The following PACS1 variants were observed in gnomAD, a reference collection of about 807,000 sequenced individuals.
The protein encoded by PACS1 is PACS-1.
PACS1 carries 24 observed loss-of-function variants against 115.0 expected under a neutral mutation model. The ratio of observed to expected loss-of-function variants is 0.21; its 90% CI spans 0.15 to 0.29. The LOEUF (loss-of-function observed/expected upper bound fraction) is 0.29. PACS1 is among the 10% of genes least tolerant of loss of function. PACS1 has a pLI of 1.00. For missense variants in PACS1, 838 were observed against 1,251.2 expected (o/e 0.67, Z 4.98); for synonymous variants, 453 against 504.5 (o/e 0.90, Z 1.37).
Position 66,073,155 on chromosome 11 carries a change from C to T in PACS1, c.356+2313C>T, listed in dbSNP as rs1360257316. On this transcript the variant is annotated intron_variant, in intron 1 of 23. Coordinates refer to ENST00000320580, the MANE Select transcript of PACS1 (RefSeq NM_018026.4). ...CCATCACCCTTGTACCTCCTCACTCCTTGTGGAACACATGTGCTCTTTGAG... is the reference window on the plus strand; with the variant it reads ...CCATCACCCTTGTACCTCCTCACTCTTTGTGGAACACATGTGCTCTTTGAG... Among the ~76,000 whole-genome samples, 4 of 152,204 alleles carry T rather than the reference C, an allele frequency of 2.6e-5. No individual in the cohort carries two copies. The South Asian group carries it at 8.3e-4, about 31-fold the overall frequency.
intron 1 of PACS1, among the ~76,000 whole-genome samples, chr11:66,136,684 C>G (rs189899728): frequency 6.6e-6 from 1 of 152,054 alleles, no homozygotes; most frequent in Non-Finnish European, 1.5e-5. Context: ...AGCCTTGGCC[C>G]GAGTGCTTCC....
intron 21 of PACS1, among the ~76,000 whole-genome samples, chr11:66,240,214 T>C (rs762716452): frequency 3.3e-5 from 5 of 152,174 alleles, no homozygotes; most frequent in Admixed American, 6.5e-5. Flanking sequence ...GCTGAATCTC[T>C]GAGACCACTG....
intron 1 of PACS1, among the ~76,000 whole-genome samples, chr11:66,191,524 T>A (rs979968891): frequency 2.0e-5 from 3 of 152,200 alleles, no homozygotes; most frequent in African/African-American, 7.2e-5. Context: ...AGGTCACTAC[T>A]CCACTTGAAA....
chr11:66,071,386 G>T (rs921060292), intron 1 of PACS1, among the ~76,000 whole-genome samples: 1 of 152,018 alleles, frequency 6.6e-6, no homozygotes, highest in Non-Finnish European at 1.5e-5. Flanking sequence ...TAGTTTTGGG[G>T]CCCTATTTAA....
intron 1 of PACS1, among the ~76,000 whole-genome samples, chr11:66,072,428 G>A (rs1261362049): frequency 6.6e-6 from 1 of 152,170 alleles, no homozygotes; most frequent in African/African-American, 2.4e-5. Flanking sequence ...GCCGCTCGCA[G>A]GGTATAGATC....
intron 1 of PACS1, among the ~76,000 whole-genome samples, chr11:66,140,718 T>C (rs1305520140): frequency 6.6e-6 from 1 of 152,190 alleles, no homozygotes; most frequent in Non-Finnish European, 1.5e-5. Context: ...ATTAGTTTCT[T>C]GTGCATCTTT....
intron 8 of PACS1, 52 bp downstream of exon 8, chr11:66,219,857 AC>A: frequency 7.8e-7 from 1 of 1,274,264 alleles, no homozygotes; most frequent in Non-Finnish European, 1.1e-6. Flanking sequence ...CCCGGGTTTC[AC>A]CCAGCATCCC....
rs778421761 is a variant in PACS1, at chr11:66,227,553, A to C, written c.1343A>C (p.Gln448Pro). 1.2e-6 allele frequency: 2 copies of C among 1,611,512 alleles called. No individual in the cohort carries two copies. Among genetic ancestry groups the C allele is most frequent in the South Asian group, 2.2e-5 (2 of 90,820 alleles). ...ATTAAATCTACTTGGATTAAAAACC[A>C]AGATGACAGCTTGACTGAAACAGAC... ...EKIKSTWIKN[Q>P]DDSLTETDTL... The change falls in exon 11 of 24, where the codon CAA becomes CCA. Residue 448 changes from glutamine to proline, a missense_variant. Transcript: ENST00000320580.
intron 8 of PACS1, among the ~76,000 whole-genome samples, chr11:66,220,073 A>G (rs1855306746): frequency 6.6e-6 from 1 of 152,158 alleles, no homozygotes; most frequent in African/African-American, 2.4e-5. Context: ...CATGCGATAC[A>G]GGGACAGACC....
intron 2 of PACS1, among the ~76,000 whole-genome samples, chr11:66,195,749 A>G (rs569312346): frequency 2.6e-5 from 4 of 152,200 alleles, no homozygotes; most frequent in African/African-American, 4.8e-5. Flanking sequence ...TTGAGCATCT[A>G]TTATGTGCCA....
At chr11:66,219,960 G>C (rs1394519425) in intron 8 of PACS1, among the ~76,000 whole-genome samples, 155 bp downstream of exon 8, 1 of 151,960 alleles carries the variant, frequency 6.6e-6, no homozygotes, top group Non-Finnish European at 1.5e-5. Context: ...CTAAGGGAGA[G>C]GGTGGCTAAG....
chr11:66,098,454 A>G lies in PACS1; in HGVS notation c.356+27612A>G, dbSNP rs527377327. 4.6e-5 allele frequency among the ~76,000 whole-genome samples: 7 copies of G among 152,172 alleles called. No homozygotes were observed. In the South Asian group the frequency reaches 1.5e-3, roughly 32 times the overall value. On this transcript the variant is annotated intron_variant, in intron 1 of 23. Coordinates refer to ENST00000320580, the MANE Select transcript of PACS1 (RefSeq NM_018026.4). ...CTCTATTGTACTATTTCTCTCTCTA[A>G]ATCAGTTTTTTCTGGGTCATTTGAG... is the stretch of plus-strand genomic sequence containing the variant.
intron 2 of PACS1, among the ~76,000 whole-genome samples, chr11:66,208,988 T>C (rs939765055): frequency 6.6e-6 from 1 of 152,212 alleles, no homozygotes; most frequent in African/African-American, 2.4e-5. Context: ...GACAAATTTA[T>C]TCAACACTGT....
chr11:66,117,719 G>A (rs1387882382), intron 1 of PACS1, among the ~76,000 whole-genome samples: 3 of 150,666 alleles, frequency 2.0e-5, no homozygotes, highest in Non-Finnish European at 4.4e-5. Context: ...AGTGGCGCAT[G>A]CCTGTAATTC....
At chr11:66,105,606 A>G (rs1858019715) in intron 1 of PACS1, among the ~76,000 whole-genome samples, 1 of 152,204 alleles carries the variant, frequency 6.6e-6, no homozygotes, top group Non-Finnish European at 1.5e-5. Context: ...TTTCTCTCCA[A>G]AATTTTCTTT....
At chr11:66,149,486 G>GT (rs1001382064) in intron 1 of PACS1, among the ~76,000 whole-genome samples, 1 of 151,954 alleles carries the variant, frequency 6.6e-6, no homozygotes, top group Non-Finnish European at 1.5e-5. Context: ...AAAATAAGAG[G>GT]TTTTTTTCCT....
At chr11:66,231,875 C>G (rs1193139198) in intron 13 of PACS1, 3 of 315,322 alleles carry the variant, frequency 9.5e-6, no homozygotes, top group African/African-American at 6.4e-5. Flanking sequence ...CCACCCACAC[C>G]GTTTCCCATC....
intron 23 of PACS1, 43 bp downstream of exon 23, chr11:66,243,074 T>G (rs1367738858): frequency 1.2e-6 from 2 of 1,612,742 alleles, no homozygotes; most frequent in Admixed American, 3.3e-5. Flanking sequence ...AGAAAGGGAC[T>G]GGAGAGGGAG....
intron 4 of PACS1, 61 bp downstream of exon 4, chr11:66,211,320 C>T: frequency 1.3e-6 from 2 of 1,564,266 alleles, no homozygotes; most frequent in Non-Finnish European, 8.7e-7. Flanking sequence ...AGGGACACCC[C>T]AGCCCAGCCA....
Sources: allele counts gnomAD v4.1 joint callset (sites outside exome capture counted in the v4.1 genomes callset), GRCh38; gene constraint gnomAD v4.1.1; transcripts MANE v1.5; gene names NCBI Gene and HGNC (gene_info 2026-07-23, HGNC 2026-07-21).